ACAD9: variants seen among roughly 807,000 people sequenced by gnomAD.
ACAD9 encodes the protein acyl-CoA dehydrogenase family member 9, also known as complex I assembly factor ACAD9, mitochondrial.
In ACAD9, 53 loss-of-function variants were observed where a neutral mutation model predicts 70.2. That is an observed-to-expected ratio of 0.75 (90% confidence interval 0.61 to 0.95). The LOEUF (loss-of-function observed/expected upper bound fraction) is 0.95, where lower values mean the gene tolerates loss of function less well. Ranked by LOEUF, ACAD9 falls within the 40% of genes least tolerant of loss-of-function variation. The pLI, the probability that ACAD9 is intolerant of heterozygous loss-of-function variation, is 0.00. For missense variants in ACAD9, 777 were observed against 802.8 expected, an observed-to-expected ratio of 0.97 and a Z score of 0.39; for synonymous variants, 313 against 312.1, an observed-to-expected ratio of 1.00 and a Z score of -0.03.
Position 128,908,846 on chromosome 3 carries a change from AGCCAGGGGCCCAGCATACCCAG to A in ACAD9, c.1359-121_1359-100del, listed in dbSNP as rs544032076. On this transcript the variant is annotated intron_variant, in intron 13 of 17. Coordinates refer to ENST00000308982, the MANE Select transcript of ACAD9 (RefSeq NM_014049.5). Reference sequence around the variant, plus strand: ...GTGGGTTTGGGGGGGTTCAGGCTGTAGCCAGGGGCCCAGCATACCCAGGCCAGAGGGGGGCACGGAGCTTCTG... The same window carrying A: ...GTGGGTTTGGGGGGGTTCAGGCTGTAGCCAGAGGGGGGCACGGAGCTTCTG... 3.0e-4 allele frequency: 439 copies of A among 1,482,512 alleles called. 2 individuals carry two copies. The African/African-American group carries it at 4.1e-3, about 14-fold the overall frequency. 91.8% of individuals were successfully genotyped at this position (1,482,512 alleles called of 1,614,324 possible).
rs1935783703 is a variant in ACAD9, at chr3:128,902,947, G to A, written c.958+319G>A. Among the ~76,000 whole-genome samples the A allele has an allele frequency of 6.6e-6, 1 of 152,206 alleles. No homozygotes were observed. The highest frequency in any genetic ancestry group is 2.1e-4 in the South Asian group (1 of 4,832). ...GAGAGGTTGCCACTGACCAGTAGGAGCAGAGCTGCTTGGTGAGCACACACC... is the reference window on the plus strand; with the variant it reads ...GAGAGGTTGCCACTGACCAGTAGGAACAGAGCTGCTTGGTGAGCACACACC... On this transcript the variant is annotated intron_variant, in intron 9 of 17. Transcript: ENST00000308982. The surrounding 1 kb of genome is among the most constrained non-coding windows in gnomAD (Gnocchi z 4.0).
At chr3:128,898,127 G>C (rs1935619565) in intron 6 of ACAD9, among the ~76,000 whole-genome samples, 1 of 152,120 alleles carries the variant, frequency 6.6e-6, no homozygotes, top group Admixed American at 6.5e-5. Context: ...AAAGTGCTGA[G>C]TTTACAGGCA....
intron 2 of ACAD9, among the ~76,000 whole-genome samples, chr3:128,887,116 G>C (rs1935272821): frequency 6.6e-6 from 1 of 151,900 alleles, no homozygotes; most frequent in Non-Finnish European, 1.5e-5. Context: ...GTAGAGATGG[G>C]GTTTCACCAT....
intron 12 of ACAD9, 98 bp downstream of exon 12, chr3:128,906,347 G>C: frequency 6.4e-7 from 1 of 1,571,024 alleles, no homozygotes; most frequent in South Asian, 1.1e-5. Flanking sequence ...CGCAGCCCAG[G>C]GCTGGGTCGC....
chr3:128,894,239 A>G (rs890968131), intron 3 of ACAD9, among the ~76,000 whole-genome samples: 2 of 152,204 alleles, frequency 1.3e-5, no homozygotes, highest in Non-Finnish European at 2.9e-5. Flanking sequence ...CTGACAATCC[A>G]CAGGACAGAC....
At chr3:128,897,574 A>G in intron 5 of ACAD9, 58 bp from the exon 6 acceptor site, 1 of 1,537,100 alleles carries the variant, frequency 6.5e-7, no homozygotes, top group Non-Finnish European at 8.9e-7. Context: ...CAGGCCCTCA[A>G]AAGCATTCAT....
At chr3:128,883,847 A>G (rs1935167084) in intron 1 of ACAD9, among the ~76,000 whole-genome samples, 1 of 152,166 alleles carries the variant, frequency 6.6e-6, no homozygotes, top group African/African-American at 2.4e-5. Context: ...TAGCTGTACA[A>G]GGTCTGAGGA....
chr3:128,889,365 G>A (rs1446561784), intron 2 of ACAD9, among the ~76,000 whole-genome samples: 1 of 152,084 alleles, frequency 6.6e-6, no homozygotes, highest in Non-Finnish European at 1.5e-5. Flanking sequence ...TATAGCCTAG[G>A]TGTGTAGTAG....
At chr3:128,880,769 C>T (rs1432580069) in intron 1 of ACAD9, among the ~76,000 whole-genome samples, 1 of 152,090 alleles carries the variant, frequency 6.6e-6, no homozygotes, top group African/African-American at 2.4e-5. Flanking sequence ...GTGAGATAAA[C>T]GGTGCATGGA....
At position 128,909,850 on chromosome 3, in the gene ACAD9, CAG is replaced by C. The variant is rs1016166399; in HGVS notation, c.1564-169_1564-168del. The C allele has an allele frequency of 2.4e-5, 22 of 905,568 alleles. No individual in the cohort carries two copies. In the African/African-American group the frequency reaches 2.8e-4, roughly 12 times the overall value. The allele number at this position is 905,568 out of a possible 1,614,324, so 56.1% of individuals were successfully genotyped here. A position where few individuals can be genotyped will look rare whatever the true frequency, so the allele number is the denominator to read the frequency against. ...TCTAGAGCTCAAAGAGAAGGGAAAA[CAG>C]AAGGTGGCTGGGAGCCGTTCTCCCA... On this transcript the variant is annotated intron_variant, in intron 15 of 17. Transcript: ENST00000308982.
At chr3:128,904,240 C>A in intron 10 of ACAD9, 108 bp downstream of exon 10, 1 of 1,574,030 alleles carries the variant, frequency 6.4e-7, no homozygotes, top group Non-Finnish European at 8.7e-7. Context: ...GGGAAGAAGA[C>A]TAGTTAAGGC....
At position 128,884,810 on chromosome 3, in the gene ACAD9, A is replaced by G. The variant is rs529115687; in HGVS notation, c.244+64A>G. On this transcript the variant is annotated intron_variant, in intron 2 of 17. Coordinates refer to ENST00000308982, the MANE Select transcript of ACAD9 (RefSeq NM_014049.5). ...TAAGGGCTATTTGGTTGATATTTAT[A>G]TTAGAAGTGACATACATAGGAGAAG... is the stretch of plus-strand genomic sequence containing the variant. 2.3e-4 allele frequency: 283 copies of G among 1,223,450 alleles called. 1 individual carries two copies. In the Middle Eastern group the frequency reaches 4.9e-3, roughly 21 times the overall value. 75.8% of individuals were successfully genotyped at this position (1,223,450 alleles called of 1,614,324 possible). A position where few individuals can be genotyped will look rare whatever the true frequency, so the allele number is the denominator to read the frequency against.
At chr3:128,906,489 A>G (rs904099847) in intron 12 of ACAD9, among the ~76,000 whole-genome samples, 1 of 152,158 alleles carries the variant, frequency 6.6e-6, no homozygotes, top group Non-Finnish European at 1.5e-5. Context: ...GGCCACAGAG[A>G]TGACTTCGGA....
chr3:128,899,141 A>G (rs893439464), intron 6 of ACAD9, 146 bp from the exon 7 acceptor site: 10 of 769,744 alleles, frequency 1.3e-5, no homozygotes, highest in African/African-American at 8.8e-5. Context: ...CTATTCACTC[A>G]TGCTTGGTTG....
intron 15 of ACAD9, 130 bp downstream of exon 15, chr3:128,909,551 G>T (rs909112704): frequency 2.0e-6 from 2 of 997,548 alleles, no homozygotes; most frequent in African/African-American, 3.2e-5. Context: ...CTGGAGGGAT[G>T]GGGTGGTGAG....
chr3:128,912,632 C>T lies in ACAD9; in HGVS notation c.*25C>T, dbSNP rs1302440901. 2 of 1,585,150 alleles carry T rather than the reference C, an allele frequency of 1.3e-6. No individual in the cohort carries two copies. The highest frequency in any genetic ancestry group is 8.7e-7 in the Non-Finnish European group (1 of 1,153,608). On this transcript the variant is annotated 3_prime_UTR_variant, in exon 18 of 18. Coordinates refer to ENST00000308982, the MANE Select transcript of ACAD9 (RefSeq NM_014049.5). ...AGGCAGGGGACAGTGTCCCCTGCTA[C>T]CGCCCGCCCCTACCCATGGCCCGTT...
chr3:128,879,752 G>A lies in ACAD9; in HGVS notation c.61G>A (p.Val21Met), dbSNP rs774119156. The A allele has an allele frequency of 5.0e-6, 8 of 1,613,334 alleles. No homozygotes were observed. The African/African-American group carries it at 8.0e-5, about 16-fold the overall frequency. Residue 21 changes from valine (V) to methionine (M), a missense_variant, in exon 1 of 18, where the codon GTG (valine) becomes ATG (methionine). Physicochemically the swap from Val to Met is conservative, Grantham distance 21. Coordinates refer to ENST00000308982, the MANE Select transcript of ACAD9 (RefSeq NM_014049.5). ...TAAARACRGL[V>M]VSTANRRLLR... ...TGCGGCTCGTGCCTGCCGGGGTCTGGTGGTCTCTACCGCGAACCGGCGGCT... is the reference window on the plus strand; with the variant it reads ...TGCGGCTCGTGCCTGCCGGGGTCTGATGGTCTCTACCGCGAACCGGCGGCT...
At chr3:128,897,374 G>T (rs967565950) in intron 5 of ACAD9, among the ~76,000 whole-genome samples, 1 of 152,078 alleles carries the variant, frequency 6.6e-6, no homozygotes, top group Non-Finnish European at 1.5e-5. Flanking sequence ...TAGAGACGGG[G>T]TTTCACCATG....
At chr3:128,899,587 C>A in intron 7 of ACAD9, 126 bp downstream of exon 7, 1 of 1,088,684 alleles carries the variant, frequency 9.2e-7, no homozygotes, top group Non-Finnish European at 1.3e-6. Flanking sequence ...GCCCTTGACT[C>A]TGTCCAAATA....
Sources: gnomAD v4.1 joint callset for allele counts (sites outside exome capture counted in the v4.1 genomes callset) on GRCh38, gnomAD v4.1.1 for gene constraint, Gnocchi (gnomAD v3.1) non-coding constraint, MANE v1.5 for transcripts, NCBI Gene and HGNC (gene_info 2026-07-23, HGNC 2026-07-21) for gene names.